Variants in CDH13 observed in about 807,000 individuals in gnomAD.
CDH13 encodes cadherin 13, also known as cadherin-13.
A neutral mutation model predicts 63.8 loss-of-function variants in CDH13; 24 were observed. The ratio of observed to expected loss-of-function variants is 0.38; its 90% CI spans 0.27 to 0.53. CDH13 has a LOEUF of 0.53. Ranked by LOEUF, CDH13 falls within the 20% of genes least tolerant of loss-of-function variation. The probability of loss-of-function intolerance (pLI) is 0.85; values close to 1 mark genes in which losing one functional copy is unlikely to be tolerated. For missense variants in CDH13, 1,049 were observed against 903.1 expected (o/e 1.16, Z -2.07); for synonymous variants, 503 against 355.3 (o/e 1.42, Z -4.67).
intron 4 of CDH13, among the ~76,000 whole-genome samples, chr16:83,143,998 C>G (rs181114495): frequency 6.6e-6 from 1 of 152,048 alleles, no homozygotes; most frequent in East Asian, 1.9e-4. Flanking sequence ...GTTTAACCCT[C>G]GGATAGGTCA....
rs761652096 is a variant in CDH13, at chr16:82,627,054, A to G, written c.-39A>G. The G allele has an allele frequency of 1.3e-6, 2 of 1,576,998 alleles. No individual in the cohort carries two copies. The highest frequency in any genetic ancestry group is 1.4e-5 in the African/African-American group (1 of 73,990). Reference sequence around the variant, plus strand: ...AAATATGCTCAGTGCAGCCGCGTGCATGAATGAAAACGCCGCCGGGCGCTT... The same window carrying G: ...AAATATGCTCAGTGCAGCCGCGTGCGTGAATGAAAACGCCGCCGGGCGCTT... On this transcript the variant is annotated 5_prime_UTR_variant, in exon 1 of 14. An upstream start codon of the reference 5' UTR is lost. Coordinates refer to ENST00000567109, the MANE Select transcript of CDH13 (RefSeq NM_001257.5).
intron 5 of CDH13, among the ~76,000 whole-genome samples, chr16:83,338,348 G>C (rs1020416251): frequency 1.1e-4 from 16 of 152,206 alleles, no homozygotes; most frequent in African/African-American, 3.9e-4. Context: ...AGAAAGGACA[G>C]ATGGCCAGAG....
At chr16:82,890,001 T>A (rs141239957) in intron 2 of CDH13, among the ~76,000 whole-genome samples, 4 of 152,246 alleles carry the variant, frequency 2.6e-5, no homozygotes, top group Non-Finnish European at 5.9e-5. Flanking sequence ...TACTTTGTTT[T>A]TGAAGATTTG....
At chr16:83,774,319 G>T (rs1366236667) in intron 11 of CDH13, among the ~76,000 whole-genome samples, 1 of 152,052 alleles carries the variant, frequency 6.6e-6, no homozygotes, top group Non-Finnish European at 1.5e-5. Flanking sequence ...AGCAAAATAG[G>T]AACAGGAAGC....
chr16:82,921,434 C>T (rs1231406884), intron 2 of CDH13, among the ~76,000 whole-genome samples: 3 of 152,156 alleles, frequency 2.0e-5, no homozygotes, highest in Admixed American at 2.0e-4. Context: ...CATAGAATCT[C>T]CTTCTCAATT....
At chr16:83,417,220 C>T (rs1458175192) in intron 6 of CDH13, among the ~76,000 whole-genome samples, 1 of 152,174 alleles carries the variant, frequency 6.6e-6, no homozygotes, top group African/African-American at 2.4e-5. Context: ...TTCAGATCCA[C>T]ACTTTTGACC....
intron 6 of CDH13, among the ~76,000 whole-genome samples, chr16:83,416,150 A>G (rs2071540334): frequency 1.3e-5 from 2 of 152,220 alleles, no homozygotes; most frequent in Admixed American, 1.3e-4. Flanking sequence ...CCTTTACAAT[A>G]GTACCAAAAA....
intron 6 of CDH13, chr16:83,383,177 G>A (rs139911704): frequency 1.6e-4 from 25 of 152,110 alleles, no homozygotes; most frequent in Middle Eastern, 3.4e-3. Flanking sequence ...ATGTTTCCTC[G>A]GGACCAGTTT....
intron 1 of CDH13, among the ~76,000 whole-genome samples, chr16:82,731,744 C>A (rs1471948025): frequency 2.6e-5 from 4 of 152,216 alleles, no homozygotes; most frequent in African/African-American, 4.8e-5. Flanking sequence ...GCTGTGTGTA[C>A]AATTTACAAT....
intron 6 of CDH13, among the ~76,000 whole-genome samples, chr16:83,372,626 A>T (rs562274653): frequency 6.6e-6 from 1 of 151,676 alleles, no homozygotes; most frequent in African/African-American, 2.4e-5. Flanking sequence ...GTGGCATGCA[A>T]CTGTAGTCCC....
intron 6 of CDH13, among the ~76,000 whole-genome samples, chr16:83,406,129 C>T (rs2092040510): frequency 6.6e-6 from 1 of 152,170 alleles, no homozygotes; most frequent in Non-Finnish European, 1.5e-5. Context: ...CCAGTGGGGA[C>T]AGGGGTCAGT....
rs1193690872 is a variant in CDH13, at chr16:83,344,950, G to A, written c.725G>A (p.Arg242Gln). Residue 242 changes from arginine (R) to glutamine (Q), a missense_variant, in exon 6 of 14, where the codon CGA becomes CAA. Coordinates refer to ENST00000567109, the MANE Select transcript of CDH13 (RefSeq NM_001257.5). ...EVIVIDQNDN[R>Q]PIFREGPYIG... The stretch of plus-strand genomic sequence containing the variant: ...ATTGTGATTGATCAGAATGACAACC[G>A]ACCGATCTTTCGGGAAGGCCCCTAC... 1.2e-5 allele frequency: 19 copies of A among 1,613,832 alleles called. No homozygotes were observed. Among genetic ancestry groups the A allele is most frequent in the African/African-American group, 5.3e-5 (4 of 74,906 alleles).
At chr16:82,737,652 C>A (rs187902632) in intron 1 of CDH13, among the ~76,000 whole-genome samples, 328 of 152,308 alleles carry the variant, frequency 2.2e-3, no homozygotes, top group African/African-American at 7.6e-3. Context: ...TGATTTTTGA[C>A]TGATGACCCC....
chr16:83,116,902 C>T (rs766512392), intron 3 of CDH13, among the ~76,000 whole-genome samples: 1 of 152,196 alleles, frequency 6.6e-6, no homozygotes, highest in Non-Finnish European at 1.5e-5. Flanking sequence ...CCTGAGTGTT[C>T]ACTGCAGGAC....
intron 6 of CDH13, among the ~76,000 whole-genome samples, chr16:83,447,470 C>T (rs572310233): frequency 6.6e-5 from 10 of 152,086 alleles, no homozygotes; most frequent in Non-Finnish European, 1.5e-4. Flanking sequence ...TACTGTGGAT[C>T]AGGACTGTGG....
intron 7 of CDH13, among the ~76,000 whole-genome samples, chr16:83,523,601 T>G (rs1960739747): frequency 6.6e-6 from 1 of 152,180 alleles, no homozygotes; most frequent in African/African-American, 2.4e-5. Flanking sequence ...CATTCCTGAG[T>G]TGGATCTACT....
chr16:82,758,990 C>T (rs1297012665), intron 1 of CDH13, among the ~76,000 whole-genome samples: 2 of 152,200 alleles, frequency 1.3e-5, no homozygotes, highest in African/African-American at 4.8e-5. Context: ...TCAAGGTAGA[C>T]AGTCTGCAGC....
chr16:83,405,709 G>T (rs931721145), intron 6 of CDH13, among the ~76,000 whole-genome samples: 1 of 152,222 alleles, frequency 6.6e-6, no homozygotes, highest in African/African-American at 2.4e-5. Context: ...ACCACACTCT[G>T]TATGTGCACT....
At chr16:82,944,353 T>A (rs1421051597) in intron 2 of CDH13, among the ~76,000 whole-genome samples, 1 of 152,196 alleles carries the variant, frequency 6.6e-6, no homozygotes, top group Non-Finnish European at 1.5e-5. Context: ...ACTGTGTGTC[T>A]GTAGTGGGCT....
Sources: allele counts gnomAD v4.1 joint callset (sites outside exome capture counted in the v4.1 genomes callset), GRCh38; gene constraint gnomAD v4.1.1; transcripts MANE v1.5; gene names NCBI Gene and HGNC (gene_info 2026-07-23, HGNC 2026-07-21).